CCSER1: variants seen among roughly 807,000 people sequenced by gnomAD.
CCSER1 encodes the protein coiled-coil serine rich protein 1, also known as serine-rich coiled-coil domain-containing protein 1.
Under a neutral mutation model 82.0 loss-of-function variants are expected in CCSER1, and 41 were observed. The observed-to-expected ratio is 0.50, with a 90% CI of 0.39 to 0.65. CCSER1 has a LOEUF of 0.65. Among genes scored for constraint, CCSER1 ranks in the 30% least tolerant of loss-of-function variants. The pLI, the probability that CCSER1 is intolerant of heterozygous loss-of-function variation, is 0.00. For missense variants in CCSER1, 1,119 were observed against 1,064.2 expected, an observed-to-expected ratio of 1.05 and a Z score of -0.72; for synonymous variants, 414 against 383.9, an observed-to-expected ratio of 1.08 and a Z score of -0.92.
Position 90,724,021 on chromosome 4 carries a change from T to C in CCSER1, c.2010+30T>C, listed in dbSNP as rs750467877. On this transcript the variant is annotated intron_variant, in intron 7 of 10. Coordinates refer to ENST00000509176, the MANE Select transcript of CCSER1 (RefSeq NM_001145065.2). ...AAAACAAACAAGAAAGCATTATTTA[T>C]AAAAATATTAGGATAGTTAATAAAT... is the stretch of plus-strand genomic sequence containing the variant. 3.1e-6 allele frequency: 4 copies of C among 1,310,966 alleles called. No homozygotes were observed. In the South Asian group the frequency reaches 5.2e-5, roughly 17 times the overall value. 81.2% of individuals were successfully genotyped at this position (1,310,966 alleles called of 1,614,324 possible).
rs114368718 is a variant in CCSER1 at position 90,451,905 on chromosome 4, C to G, written c.1604-16329C>G. Among the ~76,000 whole-genome samples, 1,187 of 152,288 alleles carry G rather than the reference C, an allele frequency of 7.8e-3. 7 individuals carry two copies. Among genetic ancestry groups the G allele is most frequent in the Middle Eastern group, 0.038 (11 of 292 alleles). On this transcript the variant is annotated intron_variant, in intron 4 of 10. Coordinates refer to ENST00000509176, the MANE Select transcript of CCSER1 (RefSeq NM_001145065.2). ...ATAATCTGTTAATTTCCTGATGACA[C>G]TTAATGAGAGACCCATTGGCTGTGA...
intron 9 of CCSER1, among the ~76,000 whole-genome samples, chr4:90,983,688 G>T (rs1339319317): frequency 6.6e-6 from 1 of 151,610 alleles, no homozygotes; most frequent in African/African-American, 2.4e-5. Flanking sequence ...CAAAGGGAAG[G>T]GAGTAGAAAT....
At chr4:90,201,196 G>A (rs1578456125) in intron 1 of CCSER1, among the ~76,000 whole-genome samples, 1 of 152,094 alleles carries the variant, frequency 6.6e-6, no homozygotes, top group East Asian at 1.9e-4. Flanking sequence ...TCTCATTTCA[G>A]AACCAGCTTA....
chr4:90,483,751 G>C (rs958193644), intron 5 of CCSER1, among the ~76,000 whole-genome samples: 12 of 152,188 alleles, frequency 7.9e-5, no homozygotes, highest in Non-Finnish European at 1.0e-4. Context: ...AGCTGTTAGT[G>C]TGATGGGCTT....
At chr4:90,598,294 G>A (rs1210817570) in intron 5 of CCSER1, among the ~76,000 whole-genome samples, 1 of 151,698 alleles carries the variant, frequency 6.6e-6, no homozygotes, top group Non-Finnish European at 1.5e-5. Flanking sequence ...TATACTTTAA[G>A]TTTTAGGGTA....
intron 10 of CCSER1, among the ~76,000 whole-genome samples, chr4:91,203,897 A>G (rs1409628752): frequency 6.6e-6 from 1 of 151,932 alleles, no homozygotes; most frequent in Non-Finnish European, 1.5e-5. Flanking sequence ...GTAGTAAAAG[A>G]TTAGTGTCTA....
chr4:90,858,518 A>C (rs1016483657), intron 8 of CCSER1, among the ~76,000 whole-genome samples: 2 of 151,976 alleles, frequency 1.3e-5, no homozygotes, highest in Non-Finnish European at 2.9e-5. Flanking sequence ...CTTTACGTTA[A>C]GGAATCTAAA....
intron 10 of CCSER1, among the ~76,000 whole-genome samples, chr4:91,428,197 A>G (rs1015969775): frequency 3.3e-5 from 5 of 152,168 alleles, no homozygotes; most frequent in Non-Finnish European, 5.9e-5. Flanking sequence ...ATTATCATCC[A>G]TCCACTTACA....
At chr4:91,584,221 T>C (rs866207648) in intron 10 of CCSER1, among the ~76,000 whole-genome samples, 1 of 151,384 alleles carries the variant, frequency 6.6e-6, no homozygotes, top group Non-Finnish European at 1.5e-5. Context: ...GGCATAATTC[T>C]CTATCACTCA....
At chr4:91,032,321 A>G (rs1220087681) in intron 9 of CCSER1, among the ~76,000 whole-genome samples, 1 of 152,168 alleles carries the variant, frequency 6.6e-6, no homozygotes, top group Non-Finnish European at 1.5e-5. Context: ...TTATCATGCT[A>G]GAATAAATAA....
chr4:90,548,528 T>G (rs1452812065), intron 5 of CCSER1, among the ~76,000 whole-genome samples: 1 of 151,984 alleles, frequency 6.6e-6, no homozygotes, highest in Admixed American at 6.6e-5. Context: ...AGAGAACAGA[T>G]ACACCAAACA....
rs758579829 is a variant in CCSER1, at chr4:90,962,986, C to CA, written c.2172+39549dup. Reference sequence around the variant, plus strand: ...GTAATTATATATTGTTCTAGTTTAGCAAAAAAAAAATCATGTTTTAAATCC... The same window carrying CA: ...GTAATTATATATTGTTCTAGTTTAGCAAAAAAAAAAATCATGTTTTAAATCC... On this transcript the variant is annotated intron_variant, in intron 9 of 10. Transcript: ENST00000509176. Among the ~76,000 whole-genome samples the CA allele has an allele frequency of 8.8e-3, 1,290 of 146,876 alleles. 12 individuals are homozygous for CA. The highest frequency in any genetic ancestry group is 0.029 in the African/African-American group (1,157 of 40,182).
At chr4:90,530,026 G>A (rs946060371) in intron 5 of CCSER1, among the ~76,000 whole-genome samples, 3 of 151,426 alleles carry the variant, frequency 2.0e-5, no homozygotes, top group African/African-American at 7.3e-5. Flanking sequence ...ATATGCATGG[G>A]GATATATTCT....
intron 6 of CCSER1, among the ~76,000 whole-genome samples, chr4:90,686,330 A>G (rs1421386361): frequency 6.6e-6 from 1 of 152,070 alleles, no homozygotes; most frequent in Admixed American, 6.6e-5. Flanking sequence ...TTCTAACTGC[A>G]TTTTTAAAAC....
At chr4:91,008,521 C>T (rs573528206) in intron 9 of CCSER1, among the ~76,000 whole-genome samples, 2 of 152,210 alleles carry the variant, frequency 1.3e-5, no homozygotes, top group South Asian at 2.1e-4. Context: ...TATAGTCACC[C>T]GTGCTCTCTT....
At chr4:90,963,587 A>C (rs1734251278) in intron 9 of CCSER1, among the ~76,000 whole-genome samples, 1 of 152,116 alleles carries the variant, frequency 6.6e-6, no homozygotes, top group South Asian at 2.1e-4. Context: ...CCTTGTAAGA[A>C]GACGGAAAAC....
intron 9 of CCSER1, among the ~76,000 whole-genome samples, chr4:91,022,803 G>T (rs1422126021): frequency 6.6e-6 from 1 of 152,172 alleles, no homozygotes; most frequent in East Asian, 1.9e-4. Context: ...CTGCATAAAT[G>T]TCTTCTTTTA....
At chr4:91,305,056 G>A (rs1744945727) in intron 10 of CCSER1, among the ~76,000 whole-genome samples, 1 of 151,756 alleles carries the variant, frequency 6.6e-6, no homozygotes, top group African/African-American at 2.4e-5. Context: ...AAACACATAG[G>A]AATAATTTGA....
At chr4:90,212,384 A>G (rs1468020000) in intron 1 of CCSER1, among the ~76,000 whole-genome samples, 1 of 152,180 alleles carries the variant, frequency 6.6e-6, no homozygotes, top group Non-Finnish European at 1.5e-5. Context: ...TCTGAATATT[A>G]AAAAGTTGAA....
Sources: allele counts gnomAD v4.1 joint callset (sites outside exome capture counted in the v4.1 genomes callset), GRCh38; gene constraint gnomAD v4.1.1; transcripts MANE v1.5; gene names NCBI Gene and HGNC (gene_info 2026-07-23, HGNC 2026-07-21).